DMD: variants seen among roughly 807,000 people sequenced by gnomAD.
The protein encoded by DMD is mutant dystrophin.
Under a neutral mutation model 330.1 loss-of-function variants are expected in DMD, and 63 were observed. The ratio of observed to expected loss-of-function variants is 0.19; its 90% confidence interval spans 0.16 to 0.24. The LOEUF is 0.24. Among genes scored for constraint, DMD ranks in the 10% least tolerant of loss-of-function variants. The pLI, the probability that DMD is intolerant of heterozygous loss-of-function variation, is 1.00. For missense variants in DMD, 3,344 were observed against 2,684.1 expected, an observed-to-expected ratio of 1.25 and a Z score of -5.43; for synonymous variants, 1,223 against 959.8, an observed-to-expected ratio of 1.27 and a Z score of -5.07.
At chrX:32,834,803 C>G (rs983948117) in intron 4 of DMD, among the ~76,000 whole-genome samples, 1 of 111,505 alleles carries the variant, frequency 9.0e-6, no homozygotes, top group Non-Finnish European at 1.9e-5. Context: ...TATATTAAGT[C>G]AGCGAAGTCT....
At chrX:32,547,749 A>G (rs1603636006) in intron 16 of DMD, among the ~76,000 whole-genome samples, 1 of 111,055 alleles carries the variant, frequency 9.0e-6, no homozygotes, top group Admixed American at 9.6e-5. Context: ...GCCATTTAAC[A>G]TGACCTCCTG....
intron 17 of DMD, among the ~76,000 whole-genome samples, chrX:32,539,195 A>C (rs2048273326): frequency 9.2e-6 from 1 of 109,215 alleles, no homozygotes; most frequent in Non-Finnish European, 1.9e-5. Context: ...TTTTAACAAA[A>C]AATAGTGTCT....
At chrX:31,200,421 C>T (rs1052028786) in intron 67 of DMD, among the ~76,000 whole-genome samples, 2 of 111,966 alleles carry the variant, frequency 1.8e-5, no homozygotes, top group Non-Finnish European at 3.8e-5. Context: ...TATTCATCCA[C>T]TTAAACAATA....
intron 7 of DMD, among the ~76,000 whole-genome samples, chrX:32,787,270 G>A (rs12836209): frequency 0.34 from 31,313 of 92,925 alleles, 5,493 homozygotes; most frequent in African/African-American, 0.62. Context: ...GAGAGAGAGA[G>A]AGAAAGAGAG....
At chrX:32,474,190 CATAT>C (rs2040959631) in intron 21 of DMD, among the ~76,000 whole-genome samples, 13 of 43,092 alleles carry the variant, frequency 3.0e-4, no homozygotes, top group Non-Finnish European at 5.2e-5. Flanking sequence ...AGTATTCCAT[CATAT>C]ATACATACAT....
At chrX:31,591,613 T>C (rs745596970) in intron 55 of DMD, among the ~76,000 whole-genome samples, 120 of 111,594 alleles carry the variant, frequency 1.1e-3, no homozygotes, top group Non-Finnish European at 1.5e-3. Flanking sequence ...ATCTGAATTT[T>C]TGATCATCAA....
intron 34 of DMD, among the ~76,000 whole-genome samples, chrX:32,374,554 A>G (rs1398034607): frequency 2.7e-5 from 3 of 111,913 alleles, no homozygotes; most frequent in Non-Finnish European, 5.6e-5. Flanking sequence ...TATTTAATGA[A>G]TAAGGTGTCC....
rs958400869 is a variant in DMD, at chrX:31,464,945, C to T, written c.8937+13161G>A. Among the ~76,000 whole-genome samples the T allele has an allele frequency of 3.6e-5, 4 of 112,236 alleles. No individual in the cohort carries two copies. The East Asian group carries it at 1.1e-3, about 31-fold the overall frequency. On this transcript the variant is annotated intron_variant, in intron 59 of 78. Coordinates refer to ENST00000357033, the MANE Select transcript of DMD (RefSeq NM_004006.3). ...TCTGCCTTTTCAGAAGTTTCAAAGG[C>T]GGGATGGGAATAGCATGGTAAACGA...
intron 1 of DMD, among the ~76,000 whole-genome samples, chrX:33,087,449 T>C (rs957230584): frequency 8.9e-6 from 1 of 112,002 alleles, no homozygotes; most frequent in African/African-American, 3.2e-5. Context: ...TGAGAGGTTA[T>C]ATTGCCCTCT....
At chrX:32,678,889 A>T (rs1008807878) in intron 9 of DMD, among the ~76,000 whole-genome samples, 1 of 111,881 alleles carries the variant, frequency 8.9e-6, no homozygotes, top group African/African-American at 3.2e-5. Context: ...TAAACATATA[A>T]TTTGCATAAG....
intron 44 of DMD, among the ~76,000 whole-genome samples, chrX:32,165,783 T>C (rs2096866167): frequency 9.0e-6 from 1 of 111,082 alleles, no homozygotes; most frequent in Admixed American, 9.5e-5. Context: ...AATCCCCAGG[T>C]GTCAAAGGAG....
At chrX:33,049,689 G>T (rs1192070376) in intron 1 of DMD, among the ~76,000 whole-genome samples, 2 of 110,668 alleles carry the variant, frequency 1.8e-5, no homozygotes, top group Non-Finnish European at 3.8e-5. Context: ...GTACCAAAGT[G>T]AATTTTTAGA....
At chrX:31,707,704 T>C (rs930779204) in intron 52 of DMD, among the ~76,000 whole-genome samples, 3 of 111,558 alleles carry the variant, frequency 2.7e-5, no homozygotes, top group Non-Finnish European at 5.6e-5. Flanking sequence ...GCTTCAACAA[T>C]GACCCCAGAA....
chrX:31,230,974 C>A (rs367740897), intron 63 of DMD, among the ~76,000 whole-genome samples: 2 of 111,407 alleles, frequency 1.8e-5, no homozygotes, highest in African/African-American at 6.5e-5. Flanking sequence ...TAACAAATGG[C>A]CGATATAAAG....
intron 52 of DMD, among the ~76,000 whole-genome samples, chrX:31,722,060 T>C (rs2085606113): frequency 2.7e-5 from 3 of 110,834 alleles, no homozygotes; most frequent in Admixed American, 9.7e-5. Flanking sequence ...TCATTTATGA[T>C]GTTTGTGCAC....
At chrX:32,843,305 T>A (rs1444159638) in intron 4 of DMD, among the ~76,000 whole-genome samples, 1 of 112,526 alleles carries the variant, frequency 8.9e-6, no homozygotes, top group Non-Finnish European at 1.9e-5. Context: ...TTTCTTTGTG[T>A]AACTTTAATA....
intron 11 of DMD, among the ~76,000 whole-genome samples, chrX:32,637,849 A>G (rs2059203636): frequency 8.9e-6 from 1 of 111,929 alleles, no homozygotes; most frequent in South Asian, 3.7e-4. Context: ...CTCCCACAAC[A>G]CATGGGGATT....
chrX:31,680,898 A>T (rs1331017977), intron 52 of DMD, among the ~76,000 whole-genome samples: 2 of 112,125 alleles, frequency 1.8e-5, no homozygotes, highest in Admixed American at 9.5e-5. Context: ...AATACAGAAA[A>T]CAAGTAATAA....
intron 41 of DMD, among the ~76,000 whole-genome samples, chrX:32,315,260 C>G (rs1485628047): frequency 9.0e-6 from 1 of 111,261 alleles, no homozygotes; most frequent in Non-Finnish European, 1.9e-5. Flanking sequence ...AACTAGAAAC[C>G]GTCATTCTCA....
Sources: allele counts gnomAD v4.1 joint callset (sites outside exome capture counted in the v4.1 genomes callset), GRCh38; gene constraint gnomAD v4.1.1; transcripts MANE v1.5; gene names NCBI Gene and HGNC (gene_info 2026-07-23, HGNC 2026-07-21).